Variants in CPNE5 observed in about 807,000 individuals in gnomAD.
CPNE5 encodes copine 5, also known as copine-5.
In CPNE5, 42 loss-of-function variants were observed where a neutral mutation model predicts 81.1. The ratio of observed to expected loss-of-function variants is 0.52; its 90% CI spans 0.40 to 0.67. The LOEUF (loss-of-function observed/expected upper bound fraction) is 0.67, where lower values mean the gene tolerates loss of function less well. Among genes scored for constraint, CPNE5 ranks in the 30% least tolerant of loss-of-function variants. The pLI, the probability that CPNE5 is intolerant of heterozygous loss-of-function variation, is 0.00. For missense variants in CPNE5, 612 were observed against 815.5 expected (o/e 0.75, Z 3.04); for synonymous variants, 313 against 321.5 (o/e 0.97, Z 0.28).
intron 10 of CPNE5, among the ~76,000 whole-genome samples, chr6:36,769,196 A>G (rs1330009882): frequency 6.6e-6 from 1 of 152,250 alleles, no homozygotes; most frequent in African/African-American, 2.4e-5. Flanking sequence ...TGGCTGACTG[A>G]GAGCTCCTAG....
intron 10 of CPNE5, among the ~76,000 whole-genome samples, chr6:36,767,394 T>C (rs1766653826): frequency 6.6e-6 from 1 of 152,118 alleles, no homozygotes; most frequent in Non-Finnish European, 1.5e-5. Context: ...GATGGGAAAA[T>C]TGAGCCCTAA....
intron 12 of CPNE5, chr6:36,757,374 G>T: frequency 1.0e-6 from 1 of 985,216 alleles, no homozygotes; most frequent in Non-Finnish European, 1.2e-6. Context: ...CTTTACCGTG[G>T]TCTCTTCTGT....
intron 14 of CPNE5, among the ~76,000 whole-genome samples, 156 bp from the exon 15 acceptor site, chr6:36,748,423 A>C (rs766384630): frequency 7.2e-5 from 11 of 152,176 alleles, no homozygotes; most frequent in Non-Finnish European, 1.5e-4. Flanking sequence ...TGGAGAGCTG[A>C]GATAGTAATG....
chr6:36,772,186 T>C (rs1330466978), intron 10 of CPNE5, among the ~76,000 whole-genome samples: 1 of 152,206 alleles, frequency 6.6e-6, no homozygotes, highest in Non-Finnish European at 1.5e-5. Context: ...CCTTCTGCCC[T>C]GTGAGACTTT....
At chr6:36,756,322 G>C in intron 12 of CPNE5, 24 bp from the exon 13 acceptor site, 2 of 1,610,632 alleles carry the variant, frequency 1.2e-6, no homozygotes, top group Non-Finnish European at 1.7e-6. Flanking sequence ...CAGTTACCAG[G>C]TAAGGCATGC....
intron 5 of CPNE5, 73 bp from the exon 6 acceptor site, chr6:36,798,314 C>A: frequency 6.5e-7 from 1 of 1,532,520 alleles, no homozygotes; most frequent in Non-Finnish European, 9.0e-7. Context: ...CCCCATCGCC[C>A]AATTCCTGGA....
At chr6:36,744,049 G>T (rs1161277117) in intron 19 of CPNE5, among the ~76,000 whole-genome samples, 1 of 152,240 alleles carries the variant, frequency 6.6e-6, no homozygotes, top group Non-Finnish European at 1.5e-5. Flanking sequence ...TGGGATGTGG[G>T]TGTGGGTGCA....
intron 1 of CPNE5, among the ~76,000 whole-genome samples, chr6:36,824,331 A>G (rs982695579): frequency 5.9e-5 from 9 of 152,164 alleles, no homozygotes; most frequent in African/African-American, 2.2e-4. Flanking sequence ...AGAGGGACTG[A>G]GCCCCAGGGG....
At chr6:36,756,906 T>C (rs1008744959) in intron 12 of CPNE5, among the ~76,000 whole-genome samples, 2 of 152,224 alleles carry the variant, frequency 1.3e-5, no homozygotes, top group Admixed American at 1.3e-4. Context: ...AGAAGGCTTG[T>C]TGGTGGCTAA....
At chr6:36,838,926 A>G (rs1773779299) in intron 1 of CPNE5, 1 of 160,170 alleles carries the variant, frequency 6.2e-6, no homozygotes, top group Non-Finnish European at 1.3e-5. Flanking sequence ...TCACTTCGTG[A>G]TTTGGGGATG....
At chr6:36,834,078 CA>C (rs78536396) in intron 1 of CPNE5, among the ~76,000 whole-genome samples, 9 of 147,862 alleles carry the variant, frequency 6.1e-5, no homozygotes, top group Admixed American at 2.0e-4. Flanking sequence ...AACAAACGAA[CA>C]AAAAAAAATC....
chr6:36,795,236 T>C (rs1170310697), intron 6 of CPNE5, among the ~76,000 whole-genome samples: 1 of 152,234 alleles, frequency 6.6e-6, no homozygotes, highest in Non-Finnish European at 1.5e-5. Context: ...TGGAGTGCAG[T>C]GGCGTGATCT....
intron 3 of CPNE5, among the ~76,000 whole-genome samples, chr6:36,821,312 G>A (rs1282838314): frequency 1.5e-4 from 23 of 152,244 alleles, no homozygotes; most frequent in Admixed American, 1.2e-3. Context: ...GTCACAAGGT[G>A]GGGGGACTGG....
chr6:36,757,458 G>A (rs541938072), intron 12 of CPNE5: 3 of 763,936 alleles, frequency 3.9e-6, no homozygotes, highest in Middle Eastern at 6.7e-4. Flanking sequence ...TTTGCCTAAA[G>A]TCACACAGCC....
intron 10 of CPNE5, among the ~76,000 whole-genome samples, chr6:36,768,225 C>CTTTTTTTCTTTTCTTTTT (rs527797208): frequency 1.7e-5 from 1 of 60,496 alleles, no homozygotes; most frequent in East Asian, 5.8e-4. Context: ...ATTCACAGTT[C>CTTTTTTTCTTTTCTTTTT]TTTTTTTTTT....
chr6:36,752,388 G>A (rs1648683621), intron 14 of CPNE5, among the ~76,000 whole-genome samples: 2 of 152,096 alleles, frequency 1.3e-5, no homozygotes, highest in Non-Finnish European at 2.9e-5. Context: ...ACTGTGCCTG[G>A]TGGTTCTTTC....
chr6:36,838,040 G>A (rs4714016), intron 1 of CPNE5, among the ~76,000 whole-genome samples: 1 of 152,228 alleles, frequency 6.6e-6, no homozygotes, highest in South Asian at 2.1e-4. Context: ...CCTGGCTTAG[G>A]GGGGAAGCTA....
chr6:36,751,657 G>A (rs1324861812), intron 14 of CPNE5, among the ~76,000 whole-genome samples: 1 of 152,162 alleles, frequency 6.6e-6, no homozygotes, highest in Non-Finnish European at 1.5e-5. Context: ...GGGGGTGGTG[G>A]CGCATGCCTG....
chr6:36,752,015 C>T (rs1764895876), intron 14 of CPNE5, among the ~76,000 whole-genome samples: 1 of 151,826 alleles, frequency 6.6e-6, no homozygotes, highest in African/African-American at 2.4e-5. Context: ...TGACTGGAGG[C>T]AGGGTGTGTG....
Sources: allele counts gnomAD v4.1 joint callset (sites outside exome capture counted in the v4.1 genomes callset), GRCh38; gene constraint gnomAD v4.1.1; transcripts MANE v1.5; gene names NCBI Gene and HGNC (gene_info 2026-07-23, HGNC 2026-07-21).